Variants in PRKD1 observed in about 807,000 individuals in gnomAD.
PRKD1 encodes serine/threonine-protein kinase D1.
Under a neutral mutation model 95.9 loss-of-function variants are expected in PRKD1, and 63 were observed. The observed-to-expected ratio is 0.66, with a 90% CI of 0.54 to 0.81. The LOEUF is 0.81. Among genes scored for constraint, PRKD1 ranks in the 30% least tolerant of loss-of-function variants. The probability of loss-of-function intolerance (pLI) is 0.00; values close to 1 mark genes in which losing one functional copy is unlikely to be tolerated. For missense variants in PRKD1, 1,048 were observed against 1,165.3 expected (o/e 0.90, Z 1.47); for synonymous variants, 425 against 423.1 (o/e 1.00, Z -0.05).
intron 1 of PRKD1, among the ~76,000 whole-genome samples, chr14:29,775,647 G>A (rs905546183): frequency 5.3e-5 from 8 of 152,256 alleles, no homozygotes; most frequent in African/African-American, 7.2e-5. Context: ...AAGCAGCTGC[G>A]AAGCTCAAAC....
intron 1 of PRKD1, among the ~76,000 whole-genome samples, chr14:29,907,518 G>T (rs1175270618): frequency 6.6e-6 from 1 of 152,110 alleles, no homozygotes; most frequent in Non-Finnish European, 1.5e-5. Context: ...AAGATCCCTG[G>T]TCGTGTGGTG....
chr14:29,695,735 T>C (rs751664956), intron 2 of PRKD1, among the ~76,000 whole-genome samples: 1 of 152,200 alleles, frequency 6.6e-6, no homozygotes, highest in Non-Finnish European at 1.5e-5. Flanking sequence ...GAGAGACATT[T>C]TTAAACTGGA....
intron 2 of PRKD1, among the ~76,000 whole-genome samples, chr14:29,707,928 A>C (rs1885166810): frequency 6.6e-6 from 1 of 152,124 alleles, no homozygotes; most frequent in Non-Finnish European, 1.5e-5. Context: ...GACCTCTCAA[A>C]AATATCTGGC....
intron 1 of PRKD1, among the ~76,000 whole-genome samples, chr14:29,883,187 T>G (rs914575294): frequency 2.0e-5 from 3 of 152,002 alleles, no homozygotes; most frequent in African/African-American, 7.3e-5. Context: ...CCCATGAGTA[T>G]TCATTATTGC....
chr14:29,737,633 G>T (rs1225835856), intron 1 of PRKD1, among the ~76,000 whole-genome samples: 1 of 152,114 alleles, frequency 6.6e-6, no homozygotes, highest in Non-Finnish European at 1.5e-5. Context: ...AGGAGTAGGT[G>T]GATGATAAGG....
At chr14:29,650,961 A>G (rs1881455563) in intron 4 of PRKD1, among the ~76,000 whole-genome samples, 1 of 152,190 alleles carries the variant, frequency 6.6e-6, no homozygotes, top group South Asian at 2.1e-4. Flanking sequence ...TATTACAGCT[A>G]AACTTTTTAT....
At chr14:29,781,234 C>T (rs1406232347) in intron 1 of PRKD1, among the ~76,000 whole-genome samples, 9 of 151,902 alleles carry the variant, frequency 5.9e-5, no homozygotes, top group Admixed American at 3.3e-4. Context: ...CACAAGTATA[C>T]AAATGTAACA....
At chr14:29,791,387 A>C (rs965164522) in intron 1 of PRKD1, among the ~76,000 whole-genome samples, 1 of 152,186 alleles carries the variant, frequency 6.6e-6, no homozygotes, top group Non-Finnish European at 1.5e-5. Context: ...TGTCATATCA[A>C]TGTAACACTG....
chr14:29,839,006 A>G (rs930431388), intron 1 of PRKD1, among the ~76,000 whole-genome samples: 3 of 152,232 alleles, frequency 2.0e-5, no homozygotes, highest in South Asian at 2.1e-4. Context: ...AAGAATCAGT[A>G]GTTTACAAAT....
chr14:29,858,970 C>T (rs1289960188), intron 1 of PRKD1, among the ~76,000 whole-genome samples: 3 of 152,148 alleles, frequency 2.0e-5, no homozygotes, highest in Non-Finnish European at 4.4e-5. Flanking sequence ...TGACACAATA[C>T]CTTTTCCCCC....
intron 4 of PRKD1, among the ~76,000 whole-genome samples, chr14:29,646,596 C>T (rs1311208388): frequency 2.0e-5 from 3 of 150,940 alleles, no homozygotes; most frequent in Admixed American, 6.6e-5. Context: ...CACTTCAGTC[C>T]TATCAATCTG....
At chr14:29,830,442 A>G (rs113006341) in intron 1 of PRKD1, among the ~76,000 whole-genome samples, 5,496 of 152,238 alleles carry the variant, frequency 0.036, 149 homozygotes, top group Non-Finnish European at 0.054. Flanking sequence ...TATTTTACTG[A>G]ATTAATCTAA....
intron 16 of PRKD1, among the ~76,000 whole-genome samples, chr14:29,593,023 G>T (rs987211927): frequency 6.6e-6 from 1 of 151,962 alleles, no homozygotes; most frequent in African/African-American, 2.4e-5. Context: ...TTGTACCCTG[G>T]CCCCACCTAG....
chr14:29,780,401 C>A (rs1170566236), intron 1 of PRKD1, among the ~76,000 whole-genome samples: 1 of 152,168 alleles, frequency 6.6e-6, no homozygotes, highest in Admixed American at 6.5e-5. Flanking sequence ...TGACAAAGGG[C>A]TAATATCCAG....
intron 1 of PRKD1, among the ~76,000 whole-genome samples, chr14:29,864,247 G>A (rs1892807681): frequency 6.6e-6 from 1 of 151,948 alleles, no homozygotes; most frequent in East Asian, 1.9e-4. Context: ...TAACTGTACA[G>A]AAAGAATCAA....
intron 1 of PRKD1, among the ~76,000 whole-genome samples, chr14:29,921,870 A>G (rs1895123543): frequency 6.6e-6 from 1 of 152,138 alleles, no homozygotes; most frequent in Non-Finnish European, 1.5e-5. Flanking sequence ...AAAGGCCCAA[A>G]TGAATTCATG....
At chr14:29,763,169 C>T (rs771055921) in intron 1 of PRKD1, among the ~76,000 whole-genome samples, 5 of 142,506 alleles carry the variant, frequency 3.5e-5, no homozygotes, top group Non-Finnish European at 7.6e-5. Context: ...TATCCAGGCA[C>T]ATCTGCAGTC....
rs141903238 is a variant in PRKD1, at chr14:29,576,815, C to G, written c.*423G>C. 18 of 199,680 alleles carry G rather than the reference C, an allele frequency of 9.0e-5. No homozygotes were observed. Among genetic ancestry groups the G allele is most frequent in the African/African-American group, 3.9e-4 (17 of 43,636 alleles). The allele number at this position is 199,680 out of a possible 1,614,324, so 12.4% of individuals were successfully genotyped here. On this transcript the variant is annotated 3_prime_UTR_variant, in exon 18 of 18. Coordinates refer to ENST00000331968, the MANE Select transcript of PRKD1 (RefSeq NM_002742.3). ...ATGGGTTTTGGAGTTGTTCATAGAA[C>G]ACTGGAAATAATCGACTCTTCAAGA...
chr14:29,728,969 T>C (rs12886195), intron 1 of PRKD1, among the ~76,000 whole-genome samples: 31,762 of 152,048 alleles, frequency 0.21, 3,504 homozygotes, highest in South Asian at 0.26. Flanking sequence ...TATAGGACCA[T>C]TGAATTTCCA....
Sources: gnomAD v4.1 joint callset for allele counts (sites outside exome capture counted in the v4.1 genomes callset) on GRCh38, gnomAD v4.1.1 for gene constraint, MANE v1.5 for transcripts, NCBI Gene and HGNC (gene_info 2026-07-23, HGNC 2026-07-21) for gene names.